ATL3: variants seen among roughly 807,000 people sequenced by gnomAD.
ATL3 encodes the protein atlastin GTPase 3.
ATL3 carries 49 observed loss-of-function variants against 69.5 expected under a neutral mutation model. The ratio of observed to expected loss-of-function variants is 0.71; its 90% CI spans 0.56 to 0.89. ATL3 has a LOEUF of 0.89. Among genes scored for constraint, ATL3 ranks in the 40% least tolerant of loss-of-function variants. The probability of loss-of-function intolerance (pLI) is 0.00; values close to 1 mark genes in which losing one functional copy is unlikely to be tolerated. For synonymous variants in ATL3, 214 were observed against 224.1 expected (o/e 0.95, Z 0.40); for missense variants, 606 against 645.7 (o/e 0.94, Z 0.67).
chr11:63,635,018 C>T (rs139793845), intron 10 of ATL3, among the ~76,000 whole-genome samples: 1,631 of 152,040 alleles, frequency 0.011, 28 homozygotes, highest in African/African-American at 0.037. Flanking sequence ...AAAAATTAGC[C>T]AGGCATGGTG....
chr11:63,668,498 T>C (rs1940652880), intron 1 of ATL3, among the ~76,000 whole-genome samples: 1 of 152,252 alleles, frequency 6.6e-6, no homozygotes, highest in African/African-American at 2.4e-5. Context: ...GCAAATTTTA[T>C]ATTTGTCTGT....
chr11:63,635,734 C>T (rs1939493378), intron 9 of ATL3, 144 bp from the exon 10 acceptor site: 3 of 635,506 alleles, frequency 4.7e-6, no homozygotes, highest in South Asian at 3.9e-5. Flanking sequence ...ACACCACACA[C>T]CTTTGAGTGC....
chr11:63,643,530 G>A, intron 7 of ATL3, 35 bp from the exon 8 acceptor site: 1 of 1,586,018 alleles, frequency 6.3e-7, no homozygotes, highest in Non-Finnish European at 8.6e-7. Flanking sequence ...CCAACCAAAA[G>A]TCATTTGGTT....
At chr11:63,645,540 CAGAGAGAGAG>C (rs113638692) in intron 6 of ATL3, among the ~76,000 whole-genome samples, 1 of 150,360 alleles carries the variant, frequency 6.7e-6, no homozygotes. Flanking sequence ...AGACTTTTTG[CAGAGAGAGAG>C]AGAGAGAGAG....
Position 63,627,808 on chromosome 11 carries a change from T to C in ATL3, c.*1511A>G, listed in dbSNP as rs977371570. 1.3e-5 allele frequency: 2 copies of C among 152,216 alleles called. No individual in the cohort carries two copies. The highest frequency in any genetic ancestry group is 2.9e-5 in the Non-Finnish European group (2 of 68,028). The allele number at this position is 152,216 out of a possible 1,614,324, so 9.4% of individuals were successfully genotyped here. A position where few individuals can be genotyped will look rare whatever the true frequency, so the allele number is the denominator to read the frequency against. On this transcript the variant is annotated 3_prime_UTR_variant, in exon 13 of 13. Coordinates refer to ENST00000398868, the MANE Select transcript of ATL3 (RefSeq NM_015459.5). ...CTTCTAGATATTTTTTATATTTGGG[T>C]AGGACTTTGATCCTTGCTAAGGCAA...
chr11:63,664,218 T>C (rs1940506587), intron 1 of ATL3, among the ~76,000 whole-genome samples: 1 of 152,200 alleles, frequency 6.6e-6, no homozygotes, highest in Non-Finnish European at 1.5e-5. Flanking sequence ...CCAGATCTTT[T>C]TGTTTTATCT....
rs1467937231 is a variant in ATL3 at position 63,629,317 on chromosome 11, T to C, written c.*2A>G. The C allele has an allele frequency of 1.9e-6, 3 of 1,612,894 alleles. No individual in the cohort carries two copies. The highest frequency in any genetic ancestry group is 2.5e-6 in the Non-Finnish European group (3 of 1,178,948). Reference sequence around the variant, plus strand: ...TTCTTGTTTGATCTTCACGTTAAGATGCTATTGAGCTTTTTTATCCATGGA... The same window carrying C: ...TTCTTGTTTGATCTTCACGTTAAGACGCTATTGAGCTTTTTTATCCATGGA... On this transcript the variant is annotated 3_prime_UTR_variant, in exon 13 of 13. Transcript: ENST00000398868.
chr11:63,666,063 C>T (rs758509490), intron 1 of ATL3, among the ~76,000 whole-genome samples: 7 of 152,080 alleles, frequency 4.6e-5, no homozygotes, highest in Non-Finnish European at 8.8e-5. Flanking sequence ...TCACTGCAGC[C>T]TCAACCTACC....
At chr11:63,654,217 GCTCACTGCAAGCTCCGC>G (rs1419254946) in intron 3 of ATL3, among the ~76,000 whole-genome samples, 3 of 151,416 alleles carry the variant, frequency 2.0e-5, no homozygotes, top group African/African-American at 7.3e-5. Context: ...CGCGATCTCG[GCTCACTGCAAGCTCCGC>G]CTCCCAGGTT....
intron 1 of ATL3, among the ~76,000 whole-genome samples, chr11:63,663,808 A>AT (rs1190512173): frequency 6.6e-6 from 1 of 152,188 alleles, no homozygotes; most frequent in Non-Finnish European, 1.5e-5. Context: ...TATATAATAG[A>AT]TTTTTAGCTG....
At chr11:63,652,751 A>G (rs993266342) in intron 3 of ATL3, among the ~76,000 whole-genome samples, 176 bp from the exon 4 acceptor site, 20 of 152,168 alleles carry the variant, frequency 1.3e-4, no homozygotes, top group African/African-American at 4.3e-4. Context: ...TGACTACAGC[A>G]CTCTACTGAA....
intron 1 of ATL3, among the ~76,000 whole-genome samples, chr11:63,661,760 G>A (rs534042690): frequency 1.3e-4 from 19 of 151,992 alleles, no homozygotes; most frequent in Non-Finnish European, 2.5e-4. Context: ...GTGGTGGCAC[G>A]TGCTTGTAAT....
At chr11:63,661,368 T>C (rs1940414524) in intron 1 of ATL3, among the ~76,000 whole-genome samples, 1 of 152,228 alleles carries the variant, frequency 6.6e-6, no homozygotes. Context: ...AAGCTATTAA[T>C]TCTATAGTTC....
chr11:63,671,793 A>AG, upstream of ATL3: 1 of 1,141,384 alleles, frequency 8.8e-7, no homozygotes, highest in Non-Finnish European at 1.1e-6. Context: ...CTGTGCGGGA[A>AG]GGGGCGGGCT....
Position 63,628,833 on chromosome 11 carries a change from T to TC in ATL3, c.*485dup. 1 of 48,620 alleles carries TC rather than the reference T, an allele frequency of 2.1e-5. No individual in the cohort carries two copies. Among genetic ancestry groups the TC allele is most frequent in the East Asian group, 8.5e-4 (1 of 1,172 alleles). The allele number at this position is 48,620 out of a possible 1,614,324, so 3.0% of individuals were successfully genotyped here. On this transcript the variant is annotated 3_prime_UTR_variant, in exon 13 of 13. Transcript: ENST00000398868. ...CCTGGTGACAGAGCGAGACTCCAAC[T>TC]CAAAAAAAAAAAAAAAAAAAAAAAG...
intron 5 of ATL3, among the ~76,000 whole-genome samples, chr11:63,648,302 A>C (rs943949998): frequency 2.6e-5 from 4 of 152,328 alleles, no homozygotes; most frequent in Non-Finnish European, 4.4e-5. Context: ...GAATTTAAAG[A>C]AATTTTTTCC....
At chr11:63,664,392 T>G (rs777961067) in intron 1 of ATL3, among the ~76,000 whole-genome samples, 3 of 151,504 alleles carry the variant, frequency 2.0e-5, no homozygotes, top group Non-Finnish European at 2.9e-5. Context: ...TATAAAAAAT[T>G]AGCTGGGCGT....
At chr11:63,666,925 G>C (rs1170905103) in intron 1 of ATL3, among the ~76,000 whole-genome samples, 1 of 152,178 alleles carries the variant, frequency 6.6e-6, no homozygotes, top group East Asian at 1.9e-4. Flanking sequence ...GCTACAGCTG[G>C]ACCACTGTTA....
chr11:63,654,749 T>A (rs938159414), intron 3 of ATL3, among the ~76,000 whole-genome samples: 1 of 143,702 alleles, frequency 7.0e-6, no homozygotes, highest in African/African-American at 2.6e-5. Context: ...CAGGCTGGAG[T>A]GCAATGGCGC....
Sources: allele counts gnomAD v4.1 joint callset (sites outside exome capture counted in the v4.1 genomes callset), GRCh38; gene constraint gnomAD v4.1.1; transcripts MANE v1.5; gene names NCBI Gene and HGNC (gene_info 2026-07-23, HGNC 2026-07-21).